Variants in CSNK1D observed in about 807,000 individuals in gnomAD.
The protein encoded by CSNK1D is casein kinase I isoform delta.
A neutral mutation model predicts 46.6 loss-of-function variants in CSNK1D; 16 were observed. That is an observed-to-expected ratio of 0.34 (90% confidence interval 0.23 to 0.52). The LOEUF (loss-of-function observed/expected upper bound fraction) is 0.52, where lower values mean the gene tolerates loss of function less well. CSNK1D is among the 20% of genes least tolerant of loss of function. CSNK1D has a pLI of 0.95. For missense variants in CSNK1D, 398 were observed against 578.4 expected, an observed-to-expected ratio of 0.69 and a Z score of 3.20; for synonymous variants, 276 against 228.2, an observed-to-expected ratio of 1.21 and a Z score of -1.89.
chr17:82,247,171 T>C, intron 8 of CSNK1D: 1 of 985,390 alleles, frequency 1.0e-6, no homozygotes, highest in Non-Finnish European at 1.2e-6. Flanking sequence ...CTCTGGAGAC[T>C]CCTCCCTGCT....
chr17:82,249,306 A>G lies in CSNK1D; in HGVS notation c.1057+125T>C. The G allele has an allele frequency of 9.4e-7, 1 of 1,061,752 alleles. No individual in the cohort carries two copies. The highest frequency in any genetic ancestry group is 1.4e-6 in the Non-Finnish European group (1 of 738,054). 65.8% of individuals were successfully genotyped at this position (1,061,752 alleles called of 1,614,324 possible). ...GCAGCCTGGCTCATCCACCCTCAGG[A>G]GCGAGCATCGCCTGACACAGGGCAC... On this transcript the variant is annotated intron_variant, in intron 7 of 8. Coordinates refer to ENST00000314028, the MANE Select transcript of CSNK1D (RefSeq NM_001893.6). This position sits in a 1 kb window ranked among gnomAD's most constrained non-coding sequence, Gnocchi z 6.7.
chr17:82,266,903 A>C (rs1294498200), intron 1 of CSNK1D: 1 of 152,158 alleles, frequency 6.6e-6, no homozygotes, highest in African/African-American at 2.4e-5. Context: ...TACTAAAAAT[A>C]CAAAAAATTA....
chr17:82,247,478 C>G, intron 8 of CSNK1D: 1 of 985,530 alleles, frequency 1.0e-6, no homozygotes, highest in Non-Finnish European at 1.2e-6. Context: ...CTTCCCTAGT[C>G]TTTGTCAGCC....
intron 8 of CSNK1D, chr17:82,247,314 C>T (rs1334064871): frequency 2.0e-6 from 2 of 985,350 alleles, no homozygotes; most frequent in African/African-American, 1.7e-5. Context: ...ACAACAGCCA[C>T]ACCCAGGTGC....
rs1385872504 is a variant in CSNK1D, at chr17:82,249,980, A to C, written c.886-378T>G. 1.6e-6 allele frequency: 2 copies of C among 1,233,566 alleles called. No homozygotes were observed. The highest frequency in any genetic ancestry group is 2.1e-6 in the Non-Finnish European group (2 of 967,510). The allele number at this position is 1,233,566 out of a possible 1,614,324, so 76.4% of individuals were successfully genotyped here. Reference sequence around the variant, plus strand: ...CATCGGAGGCCAAAGACAGGCCCCAAATGGTGACAGCTGGGGAGGAAAGCG... The same window carrying C: ...CATCGGAGGCCAAAGACAGGCCCCACATGGTGACAGCTGGGGAGGAAAGCG... On this transcript the variant is annotated intron_variant, in intron 6 of 8. Coordinates refer to ENST00000314028, the MANE Select transcript of CSNK1D (RefSeq NM_001893.6). This position sits in a 1 kb window ranked among gnomAD's most constrained non-coding sequence, Gnocchi z 6.7.
At chr17:82,245,337 G>C (rs753000926) in intron 8 of CSNK1D, 6 of 262,544 alleles carry the variant, frequency 2.3e-5, no homozygotes, top group African/African-American at 1.3e-4. Flanking sequence ...CGTGGACGCC[G>C]GCCATGCACC....
Position 82,248,985 on chromosome 17 carries a change from T to C in CSNK1D, c.1087A>G (p.Met363Val), listed in dbSNP as rs1049612674. The C allele has an allele frequency of 2.5e-6, 4 of 1,574,024 alleles. No individual in the cohort carries two copies. Among genetic ancestry groups the C allele is most frequent in the Non-Finnish European group, 2.6e-6 (3 of 1,158,628 alleles). ...ANTSPRPVSG[M>V]ERERKVSMRL... ...ATACTCACTTTCCGCTCTCTCTCCA[T>C]GCCGGAGACGGGCCGGGGGGAGGTG... The change falls in exon 8 of 9, where the codon ATG becomes GTG. Residue 363 changes from methionine to valine, a missense_variant. Around this residue, in one of 2 missense-constraint regions of CSNK1D, gnomAD observed 181 missense variants for 208.0 expected, o/e 0.87. Coordinates refer to ENST00000314028, the MANE Select transcript of CSNK1D (RefSeq NM_001893.6). The surrounding 1 kb of genome is among the most constrained non-coding windows in gnomAD (Gnocchi z 4.1).
rs61623208 is a variant in CSNK1D, at chr17:82,273,274, TCGGGCGG to T, written c.76+25_76+31del. On this transcript the variant is annotated intron_variant, in intron 1 of 8. Coordinates refer to ENST00000314028, the MANE Select transcript of CSNK1D (RefSeq NM_001893.6). The surrounding 1 kb of genome is among the most constrained non-coding windows in gnomAD (Gnocchi z 5.1). ...CTTGGCAGCCGCAGGGCCCGGGTCT[TCGGGCGG>T]CGGGCGGGGGCGGCGGGGCCTCACC... 5.7e-6 allele frequency: 9 copies of T among 1,589,486 alleles called. No individual in the cohort carries two copies. The highest frequency in any genetic ancestry group is 5.5e-5 in the African/African-American group (4 of 73,114).
At chr17:82,246,678 C>T in intron 8 of CSNK1D, 1 of 995,270 alleles carries the variant, frequency 1.0e-6, no homozygotes, top group Non-Finnish European at 1.2e-6. Context: ...GACCTACAGG[C>T]AGGCTGCCAC....
At position 82,249,242 on chromosome 17, in the gene CSNK1D, C is replaced by G; in HGVS notation, c.1057+189G>C. ...GGAACGTGAGATGCGGGAGGAATCA[C>G]GCACACCAGCAGGTGCCGGCATTTC... On this transcript the variant is annotated intron_variant, in intron 7 of 8. Coordinates refer to ENST00000314028, the MANE Select transcript of CSNK1D (RefSeq NM_001893.6). This position sits in a 1 kb window ranked among gnomAD's most constrained non-coding sequence, Gnocchi z 6.7. 1.3e-6 allele frequency: 1 copy of G among 762,442 alleles called. No homozygotes were observed. Among genetic ancestry groups the G allele is most frequent in the Non-Finnish European group, 2.1e-6 (1 of 481,426 alleles). 47.2% of individuals were successfully genotyped at this position (762,442 alleles called of 1,614,324 possible).
In CSNK1D at chr17:82,273,574, G is replaced by A. The variant is rs1403389580; in HGVS notation, c.-193C>T. 1.1e-5 allele frequency: 7 copies of A among 639,576 alleles called. No homozygotes were observed. Among genetic ancestry groups the A allele is most frequent in the East Asian group, 3.0e-5 (1 of 33,086 alleles). The allele number at this position is 639,576 out of a possible 1,614,324, so 39.6% of individuals were successfully genotyped here. On this transcript the variant is annotated 5_prime_UTR_variant, in exon 1 of 9. Coordinates refer to ENST00000314028, the MANE Select transcript of CSNK1D (RefSeq NM_001893.6). The surrounding 1 kb of genome is among the most constrained non-coding windows in gnomAD (Gnocchi z 5.1). ...CAATACGGGGCGGATGGGACAGTCC[G>A]AGCGCCGCCGCCGCTGCTCCGGCCC...
chr17:82,246,712 C>A, intron 8 of CSNK1D: 3 of 992,642 alleles, frequency 3.0e-6, no homozygotes, highest in Non-Finnish European at 3.6e-6. Context: ...CATCCACACC[C>A]AGCCACGGCC....
chr17:82,252,606 T>C lies in CSNK1D; in HGVS notation c.566-2A>G. 2 of 1,613,524 alleles carry C rather than the reference T, an allele frequency of 1.2e-6. No individual in the cohort carries two copies. Among genetic ancestry groups the C allele is most frequent in the Non-Finnish European group, 1.7e-6 (2 of 1,179,956 alleles). ...CCAAGTCATCTCTTCGGGATTGTTC[T>C]GAAAAGAAAAGGGAAAGGCGTGAAG... On this transcript the variant is annotated splice_acceptor_variant, in intron 4 of 8. Transcript: ENST00000314028. LOFTEE classifies it high-confidence loss of function. The surrounding 1 kb of genome is among the most constrained non-coding windows in gnomAD (Gnocchi z 4.6).
chr17:82,247,663 G>C lies in CSNK1D; in HGVS notation c.1197+1212C>G, dbSNP rs1599578060. 1.0e-5 allele frequency: 10 copies of C among 985,442 alleles called. No individual in the cohort carries two copies. The South Asian group carries it at 3.8e-4, about 37-fold the overall frequency. 61.0% of individuals were successfully genotyped at this position (985,442 alleles called of 1,614,324 possible). On this transcript the variant is annotated intron_variant, in intron 8 of 8. Coordinates refer to ENST00000314028, the MANE Select transcript of CSNK1D (RefSeq NM_001893.6). Reference sequence around the variant, plus strand: ...CTGATGCGCAAGTGCCAGGCTCGTGGAAAGAAGCCAGTTAAACCCTTTCTG... The same window carrying C: ...CTGATGCGCAAGTGCCAGGCTCGTGCAAAGAAGCCAGTTAAACCCTTTCTG...
chr17:82,271,684 C>T (rs982442015), intron 1 of CSNK1D, among the ~76,000 whole-genome samples: 4 of 152,218 alleles, frequency 2.6e-5, no homozygotes, highest in Non-Finnish European at 4.4e-5. Context: ...AACCAGGCAC[C>T]GAAAGTATGA....
At chr17:82,246,856 C>G in intron 8 of CSNK1D, 2 of 986,166 alleles carry the variant, frequency 2.0e-6, no homozygotes, top group African/African-American at 1.7e-5. Flanking sequence ...TCACTGCCCA[C>G]GGTGACTGTG....
rs1232869654 is a variant in CSNK1D, at chr17:82,252,124, G to C, written c.736+310C>G. Among the ~76,000 whole-genome samples, 1 of 152,252 alleles carries C rather than the reference G, an allele frequency of 6.6e-6. No homozygotes were observed. Among genetic ancestry groups the C allele is most frequent in the Non-Finnish European group, 1.5e-5 (1 of 68,040 alleles). On this transcript the variant is annotated intron_variant, in intron 5 of 8. Transcript: ENST00000314028. The surrounding 1 kb of genome is among the most constrained non-coding windows in gnomAD (Gnocchi z 4.6). ...CCAGAGAGGGCAGCCACTGCAGAGA[G>C]AGGCCCCACCACTGCCTGTCCATCC...
In CSNK1D at chr17:82,273,654, C is replaced by T. The variant is rs535983478; in HGVS notation, c.-273G>A. On this transcript the variant is annotated 5_prime_UTR_variant, in exon 1 of 9. Transcript: ENST00000314028. This position sits in a 1 kb window ranked among gnomAD's most constrained non-coding sequence, Gnocchi z 5.1. ...GCGGATGGACTCGGATCTTCCGGGC[C>T]TAAATCCCCTTTCAGCTGCCTAAAG... is the stretch of plus-strand genomic sequence containing the variant. 2.1e-4 allele frequency: 117 copies of T among 545,892 alleles called. 1 individual carries two copies. The highest frequency in any genetic ancestry group is 2.1e-3 in the African/African-American group (104 of 49,490). The allele number at this position is 545,892 out of a possible 1,614,324, so 33.8% of individuals were successfully genotyped here. A position where few individuals can be genotyped will look rare whatever the true frequency, so the allele number is the denominator to read the frequency against.
At position 82,273,281 on chromosome 17, in the gene CSNK1D, G is replaced by C; in HGVS notation, c.76+25C>G. 6.3e-7 allele frequency: 1 copy of C among 1,595,462 alleles called. No individual in the cohort carries two copies. The highest frequency in any genetic ancestry group is 8.5e-7 in the Non-Finnish European group (1 of 1,172,736). On this transcript the variant is annotated intron_variant, in intron 1 of 8. Transcript: ENST00000314028. This position sits in a 1 kb window ranked among gnomAD's most constrained non-coding sequence, Gnocchi z 5.1. Reference sequence around the variant, plus strand: ...GCCGCAGGGCCCGGGTCTTCGGGCGGCGGGCGGGGGCGGCGGGGCCTCACC... The same window carrying C: ...GCCGCAGGGCCCGGGTCTTCGGGCGCCGGGCGGGGGCGGCGGGGCCTCACC...
Sources: gnomAD v4.1 joint callset for allele counts (sites outside exome capture counted in the v4.1 genomes callset) on GRCh38, gnomAD v4.1.1 for gene constraint, gnomAD v4.1.1 regional missense constraint, Gnocchi (gnomAD v3.1) non-coding constraint, MANE v1.5 for transcripts, NCBI Gene and HGNC (gene_info 2026-07-23, HGNC 2026-07-21) for gene names.